Variants in ADCY2 observed in about 807,000 individuals in gnomAD.
The protein encoded by ADCY2 is adenylate cyclase 2.
In ADCY2, 31 loss-of-function variants were observed where a neutral mutation model predicts 125.2. The ratio of observed to expected loss-of-function variants is 0.25; its 90% CI spans 0.19 to 0.33. ADCY2 has a LOEUF of 0.33. Ranked by LOEUF, ADCY2 falls within the 10% of genes least tolerant of loss-of-function variation. The probability of loss-of-function intolerance (pLI) is 1.00; values close to 1 mark genes in which losing one functional copy is unlikely to be tolerated. For synonymous variants in ADCY2, 512 were observed against 548.4 expected (o/e 0.93, Z 0.93); for missense variants, 904 against 1,418.2 (o/e 0.64, Z 5.82).
At chr5:7,767,819 A>G (rs563067450) in intron 17 of ADCY2, among the ~76,000 whole-genome samples, 20 of 152,184 alleles carry the variant, frequency 1.3e-4, no homozygotes, top group African/African-American at 4.8e-4. Context: ...TCACGAGGTC[A>G]GGAGATCAAG....
chr5:7,445,986 G>C (rs542989507), intron 2 of ADCY2, among the ~76,000 whole-genome samples: 20 of 152,070 alleles, frequency 1.3e-4, no homozygotes, highest in African/African-American at 4.1e-4. Context: ...TTGTCTCATT[G>C]CATCGTCTAA....
At chr5:7,452,766 T>G (rs1561033879) in intron 2 of ADCY2, among the ~76,000 whole-genome samples, 1 of 152,172 alleles carries the variant, frequency 6.6e-6, no homozygotes, top group Non-Finnish European at 1.5e-5. Context: ...ACATCAATTG[T>G]TTTTTGACTT....
intron 4 of ADCY2, among the ~76,000 whole-genome samples, chr5:7,654,774 C>T (rs570666058): frequency 2.0e-5 from 3 of 152,188 alleles, no homozygotes; most frequent in Admixed American, 6.5e-5. Context: ...ACTGAAAATG[C>T]GAATGCCCAG....
intron 2 of ADCY2, among the ~76,000 whole-genome samples, chr5:7,492,000 C>T (rs759035726): frequency 6.6e-6 from 1 of 152,168 alleles, no homozygotes; most frequent in Non-Finnish European, 1.5e-5. Context: ...GGGGCTCTGC[C>T]CTGAAAGAGC....
intron 2 of ADCY2, among the ~76,000 whole-genome samples, chr5:7,451,834 G>C (rs776501123): frequency 1.3e-5 from 2 of 151,720 alleles, no homozygotes; most frequent in Non-Finnish European, 2.9e-5. Context: ...GAGTTGTATA[G>C]TGGTGAAGTC....
At chr5:7,741,683 C>CAATCTCAATCAG (rs1742422515) in intron 14 of ADCY2, among the ~76,000 whole-genome samples, 1 of 4,800 alleles carries the variant, frequency 2.1e-4, no homozygotes, top group Non-Finnish European at 4.9e-4. Flanking sequence ...ATCACCATCA[C>CAATCTCAATCAG]CGTCACCATC....
At chr5:7,516,835 C>A (rs1189933016) in intron 2 of ADCY2, among the ~76,000 whole-genome samples, 2 of 151,896 alleles carry the variant, frequency 1.3e-5, no homozygotes, top group African/African-American at 4.8e-5. Context: ...AACAGAAACG[C>A]CAGTAACCAG....
At chr5:7,680,765 T>C (rs1192835689) in intron 4 of ADCY2, among the ~76,000 whole-genome samples, 1 of 152,222 alleles carries the variant, frequency 6.6e-6, no homozygotes, top group African/African-American at 2.4e-5. Flanking sequence ...TTCTGTAAGC[T>C]CTAAGCCATG....
intron 3 of ADCY2, among the ~76,000 whole-genome samples, chr5:7,622,138 T>G (rs1737974116): frequency 6.6e-6 from 1 of 152,236 alleles, no homozygotes; most frequent in Non-Finnish European, 1.5e-5. Flanking sequence ...GGATTGTTTG[T>G]CAGAGGTTCT....
chr5:7,532,411 T>C (rs1211489489), intron 3 of ADCY2, among the ~76,000 whole-genome samples: 1 of 152,242 alleles, frequency 6.6e-6, no homozygotes. Context: ...GTCATGTCAT[T>C]TTCAAGTAGA....
chr5:7,435,455 C>T (rs1164085864), intron 2 of ADCY2, among the ~76,000 whole-genome samples: 2 of 152,134 alleles, frequency 1.3e-5, no homozygotes, highest in African/African-American at 4.8e-5. Flanking sequence ...AGCAGAAATG[C>T]CCAGCAAGTT....
chr5:7,513,609 T>G (rs1744155999), intron 2 of ADCY2, among the ~76,000 whole-genome samples: 1 of 152,194 alleles, frequency 6.6e-6, no homozygotes, highest in Non-Finnish European at 1.5e-5. Context: ...AACTTACCAT[T>G]AAGAATGCTC....
intron 2 of ADCY2, among the ~76,000 whole-genome samples, chr5:7,512,376 G>A (rs537659971): frequency 5.9e-5 from 9 of 152,260 alleles, no homozygotes; most frequent in African/African-American, 1.9e-4. Flanking sequence ...GGATGCTGTT[G>A]TAGGAATCCA....
At chr5:7,749,637 C>G (rs1333801582) in intron 15 of ADCY2, 1 of 152,156 alleles carries the variant, frequency 6.6e-6, no homozygotes. Flanking sequence ...AAAAATTCCA[C>G]CAAACAAACC....
chr5:7,496,611 T>C (rs1743354788), intron 2 of ADCY2, among the ~76,000 whole-genome samples: 1 of 152,162 alleles, frequency 6.6e-6, no homozygotes. Flanking sequence ...ATAAATTGGA[T>C]AATGCATATA....
intron 6 of ADCY2, among the ~76,000 whole-genome samples, chr5:7,697,749 A>C (rs1740941160): frequency 6.6e-6 from 1 of 152,218 alleles, no homozygotes; most frequent in South Asian, 2.1e-4. Flanking sequence ...AGGTGTGGTA[A>C]TGTCTATCAG....
intron 1 of ADCY2, among the ~76,000 whole-genome samples, chr5:7,403,256 A>G (rs1203740785): frequency 6.6e-6 from 1 of 152,218 alleles, no homozygotes; most frequent in African/African-American, 2.4e-5. Flanking sequence ...ATTGTAGACT[A>G]GTCCATTACT....
At chr5:7,650,694 G>A (rs1175666064) in intron 4 of ADCY2, among the ~76,000 whole-genome samples, 2 of 152,164 alleles carry the variant, frequency 1.3e-5, no homozygotes, top group Non-Finnish European at 2.9e-5. Context: ...ATGAAATAAT[G>A]AGGACAGAGT....
chr5:7,453,893 C>T (rs1002559589), intron 2 of ADCY2, among the ~76,000 whole-genome samples: 1 of 152,104 alleles, frequency 6.6e-6, no homozygotes, highest in African/African-American at 2.4e-5. Context: ...ACCAGTTAAA[C>T]TCCGCCATTT....
Sources: allele counts gnomAD v4.1 joint callset (sites outside exome capture counted in the v4.1 genomes callset), GRCh38; gene constraint gnomAD v4.1.1; transcripts MANE v1.5; gene names NCBI Gene and HGNC (gene_info 2026-07-23, HGNC 2026-07-21).